The following LRP1B variants were observed in gnomAD, a reference collection of about 807,000 sequenced individuals.
LRP1B encodes the protein LDL receptor related protein 1B.
A neutral mutation model predicts 556.6 loss-of-function variants in LRP1B; 217 were observed. The ratio of observed to expected loss-of-function variants is 0.39; its 90% CI spans 0.35 to 0.44. The LOEUF is 0.44. Ranked by LOEUF, LRP1B falls within the 20% of genes least tolerant of loss-of-function variation. LRP1B has a pLI of 1.00. For missense variants in LRP1B, 5,053 were observed against 5,620.8 expected (o/e 0.90, Z 3.23); for synonymous variants, 2,047 against 1,865.8 (o/e 1.10, Z -2.50).
At chr2:140,309,190 G>C (rs1390074442) in intron 83 of LRP1B, among the ~76,000 whole-genome samples, 2 of 151,692 alleles carry the variant, frequency 1.3e-5, no homozygotes, top group Non-Finnish European at 3.0e-5. Flanking sequence ...GTTTTCTTAA[G>C]CATAAAAAAG....
intron 87 of LRP1B, among the ~76,000 whole-genome samples, chr2:140,245,277 C>T (rs1004948670): frequency 6.6e-6 from 1 of 151,292 alleles, no homozygotes; most frequent in Admixed American, 6.6e-5. Context: ...CAGTTTCTTA[C>T]ATTTGCCCAT....
At chr2:140,483,247 T>C (rs1004296742) in intron 59 of LRP1B, among the ~76,000 whole-genome samples, 13 of 152,116 alleles carry the variant, frequency 8.5e-5, no homozygotes, top group Non-Finnish European at 1.8e-4. Context: ...ACATCTATAA[T>C]AATTTTGTAC....
At chr2:141,305,622 T>C (rs1195310035) in intron 3 of LRP1B, among the ~76,000 whole-genome samples, 1 of 152,194 alleles carries the variant, frequency 6.6e-6, no homozygotes, top group Non-Finnish European at 1.5e-5. Flanking sequence ...CTTCCAGTAG[T>C]ATGTCGAATA....
At chr2:140,852,980 T>C (rs1262019073) in intron 27 of LRP1B, among the ~76,000 whole-genome samples, 1 of 151,954 alleles carries the variant, frequency 6.6e-6, no homozygotes, top group South Asian at 2.1e-4. Context: ...ATCAAGAAAA[T>C]GTTAGCTTTC....
chr2:141,239,698 T>C (rs1167643461), intron 5 of LRP1B, among the ~76,000 whole-genome samples: 1 of 152,034 alleles, frequency 6.6e-6, no homozygotes, highest in Non-Finnish European at 1.5e-5. Context: ...GTAGAGGTAA[T>C]GGAGTTTGGG....
At chr2:140,478,104 G>A (rs902711641) in intron 59 of LRP1B, among the ~76,000 whole-genome samples, 9 of 135,862 alleles carry the variant, frequency 6.6e-5, no homozygotes, top group Admixed American at 2.9e-4. Context: ...GAAAAATGAC[G>A]TTTTATTTCT....
intron 11 of LRP1B, among the ~76,000 whole-genome samples, chr2:141,034,798 G>A (rs1286798877): frequency 1.3e-3 from 186 of 143,160 alleles, no homozygotes; most frequent in African/African-American, 2.0e-3. Context: ...AGTCAGTGTG[G>A]CGATTCCTCA....
intron 23 of LRP1B, among the ~76,000 whole-genome samples, chr2:140,896,647 A>G (rs938400975): frequency 6.6e-6 from 1 of 152,078 alleles, no homozygotes; most frequent in East Asian, 1.9e-4. Flanking sequence ...ATGACTGGCT[A>G]ATTTTTAAAT....
chr2:141,111,869 C>T lies in LRP1B; in HGVS notation c.1014-49596G>A, dbSNP rs140521463. On this transcript the variant is annotated intron_variant, in intron 7 of 90. Transcript: ENST00000389484. ...GACCATCCTGGCTAACATGGTGAAA[C>T]CCCGTCTCTACCAAAAATATAAAAA... Among the ~76,000 whole-genome samples, 785 of 151,928 alleles carry T rather than the reference C, an allele frequency of 5.2e-3. 13 individuals carry two copies. Among genetic ancestry groups the T allele is most frequent in the East Asian group, 0.035 (178 of 5,126 alleles).
intron 3 of LRP1B, among the ~76,000 whole-genome samples, chr2:141,262,652 C>T (rs550037839): frequency 1.3e-5 from 2 of 152,190 alleles, no homozygotes; most frequent in East Asian, 3.9e-4. Flanking sequence ...TGTTCCAGTA[C>T]CATTTAGTGA....
chr2:140,265,736 A>G (rs970636766), intron 86 of LRP1B, among the ~76,000 whole-genome samples: 1 of 152,116 alleles, frequency 6.6e-6, no homozygotes, highest in Non-Finnish European at 1.5e-5. Context: ...CTTTTCATTA[A>G]CAATACATGA....
At chr2:141,664,448 T>C (rs1394561425) in intron 2 of LRP1B, among the ~76,000 whole-genome samples, 1 of 152,096 alleles carries the variant, frequency 6.6e-6, no homozygotes, top group African/African-American at 2.4e-5. Context: ...TGATCCTATA[T>C]CTAGAAAATC....
intron 25 of LRP1B, among the ~76,000 whole-genome samples, chr2:140,871,101 C>A (rs1230746488): frequency 6.6e-6 from 1 of 152,088 alleles, no homozygotes; most frequent in Non-Finnish European, 1.5e-5. Context: ...TATTAGATAA[C>A]TGTGTCAATA....
chr2:141,858,386 T>G (rs796643921), intron 1 of LRP1B, among the ~76,000 whole-genome samples: 3 of 152,186 alleles, frequency 2.0e-5, no homozygotes, highest in African/African-American at 7.2e-5. Flanking sequence ...CCATCTTTCA[T>G]TCGCATCTTC....
At chr2:141,415,204 G>A (rs577089435) in intron 3 of LRP1B, among the ~76,000 whole-genome samples, 11 of 152,194 alleles carry the variant, frequency 7.2e-5, no homozygotes, top group African/African-American at 1.7e-4. Flanking sequence ...TAGTAGAGAC[G>A]GGGTTTCACC....
chr2:140,454,034 A>G (rs1686986631), intron 62 of LRP1B, among the ~76,000 whole-genome samples: 1 of 152,204 alleles, frequency 6.6e-6, no homozygotes, highest in Non-Finnish European at 1.5e-5. Context: ...TTTTCCTCTC[A>G]TTAGATCAGA....
At chr2:141,203,584 G>C (rs536329098) in intron 6 of LRP1B, among the ~76,000 whole-genome samples, 1 of 151,954 alleles carries the variant, frequency 6.6e-6, no homozygotes, top group South Asian at 2.1e-4. Context: ...ACAATAATGG[G>C]GGGGGAGGAC....
intron 43 of LRP1B, among the ~76,000 whole-genome samples, chr2:140,549,114 A>C (rs1680454119): frequency 6.6e-6 from 1 of 152,074 alleles, no homozygotes. Context: ...CTGTTTTATG[A>C]ATCAATATTT....
At chr2:141,447,240 G>A (rs1012899118) in intron 3 of LRP1B, among the ~76,000 whole-genome samples, 4 of 151,328 alleles carry the variant, frequency 2.6e-5, no homozygotes, top group Non-Finnish European at 5.9e-5. Flanking sequence ...CGAAGTACTC[G>A]TGCTGAGTTT....
Sources: gnomAD v4.1 joint callset for allele counts (sites outside exome capture counted in the v4.1 genomes callset) on GRCh38, gnomAD v4.1.1 for gene constraint, MANE v1.5 for transcripts, NCBI Gene and HGNC (gene_info 2026-07-23, HGNC 2026-07-21) for gene names.